TDRKH: variants seen among roughly 807,000 people sequenced by gnomAD.
TDRKH encodes the protein tudor and KH domain-containing protein.
In TDRKH, 28 loss-of-function variants were observed where a neutral mutation model predicts 61.3. That is an observed-to-expected ratio of 0.46 (90% CI 0.34 to 0.63). TDRKH has a LOEUF of 0.63. Ranked by LOEUF, TDRKH falls within the 20% of genes least tolerant of loss-of-function variation. The pLI, the probability that TDRKH is intolerant of heterozygous loss-of-function variation, is 0.01. For synonymous variants in TDRKH, 219 were observed against 244.4 expected (o/e 0.90, Z 0.97); for missense variants, 540 against 683.4 (o/e 0.79, Z 2.34).
At position 151,774,064 on chromosome 1, in the gene TDRKH, GA is replaced by G. The variant is rs1253154700; in HGVS notation, c.*387del. On this transcript the variant is annotated 3_prime_UTR_variant, in exon 13 of 13. Coordinates refer to ENST00000368824, the MANE Select transcript of TDRKH (RefSeq NM_001083965.2). Reference sequence around the variant, plus strand: ...GGAGGGATCCGGAGGTGGAATGGGGGAGACACACTTGTAGCGTGGTAGTCCA... The same window carrying G: ...GGAGGGATCCGGAGGTGGAATGGGGGGACACACTTGTAGCGTGGTAGTCCA... 5.1e-5 allele frequency: 10 copies of G among 194,446 alleles called. No individual in the cohort carries two copies. Among genetic ancestry groups the G allele is most frequent in the Non-Finnish European group, 6.3e-5 (6 of 95,280 alleles). 12.0% of individuals were successfully genotyped at this position (194,446 alleles called of 1,614,324 possible).
At chr1:151,777,672 C>G (rs1210798292) in intron 6 of TDRKH, among the ~76,000 whole-genome samples, 2 of 151,052 alleles carry the variant, frequency 1.3e-5, no homozygotes, top group African/African-American at 4.9e-5. Flanking sequence ...TTATTGCTTC[C>G]TATTTTGGGT....
At chr1:151,781,820 C>A in intron 2 of TDRKH, 1 of 505,034 alleles carries the variant, frequency 2.0e-6, no homozygotes, top group Non-Finnish European at 3.6e-6. Context: ...ATGGGAAAAG[C>A]AGATTCTGCA....
chr1:151,768,290 T>C, downstream of TDRKH: 1 of 1,554,794 alleles, frequency 6.4e-7, no homozygotes, highest in South Asian at 1.2e-5. Flanking sequence ...TTCACCCTTC[T>C]ATCATGTCAT....
At chr1:151,776,669 G>T in intron 6 of TDRKH, 70 bp from the exon 7 acceptor site, 1 of 1,551,594 alleles carries the variant, frequency 6.4e-7, no homozygotes, top group Non-Finnish European at 8.8e-7. Flanking sequence ...ACTAACCAGG[G>T]TAGTGAGAGG....
At chr1:151,782,608 C>A (rs754016771) in intron 2 of TDRKH, among the ~76,000 whole-genome samples, 1 of 151,974 alleles carries the variant, frequency 6.6e-6, no homozygotes, top group African/African-American at 2.4e-5. Flanking sequence ...CCAGCCTGGG[C>A]AACATGGGAA....
chr1:151,767,598 G>A (rs1443152650), downstream of TDRKH: 1 of 365,024 alleles, frequency 2.7e-6, no homozygotes, highest in African/African-American at 2.1e-5. Context: ...GCTTAAAGAT[G>A]CTAAGCAGGA....
At chr1:151,780,646 C>T (rs995586349) in intron 3 of TDRKH, among the ~76,000 whole-genome samples, 1 of 152,024 alleles carries the variant, frequency 6.6e-6, no homozygotes, top group Admixed American at 6.6e-5. Context: ...GTCAGGAGAT[C>T]GAGACCATCC....
At position 151,778,746 on chromosome 1, in the gene TDRKH, A is replaced by G; in HGVS notation, c.822T>C (p.Pro274=). ...VVSKEGSWEK[P]SDDSFQKSEA... ...CAGACTTCTGAAAGCTGTCATCACTAGGTTTCTCCCAGGAACCTTCCTTTG... is the reference window on the plus strand; with the variant it reads ...CAGACTTCTGAAAGCTGTCATCACTGGGTTTCTCCCAGGAACCTTCCTTTG... Residue 274 remains proline (P), a synonymous_variant, in exon 6 of 13, where the codon CCT becomes CCC. Transcript: ENST00000368824. 6.2e-7 allele frequency: 1 copy of G among 1,614,218 alleles called. No individual in the cohort carries two copies. The highest frequency in any genetic ancestry group is 8.5e-7 in the Non-Finnish European group (1 of 1,180,048).
downstream of TDRKH, among the ~76,000 whole-genome samples, chr1:151,769,937 C>T (rs985904051): frequency 3.7e-5 from 5 of 134,626 alleles, no homozygotes; most frequent in Non-Finnish European, 6.6e-5. Context: ...TCAGGCATGG[C>T]GGCACGCGCC....
At chr1:151,766,506 C>T (rs1335298317), downstream of TDRKH, 9 of 556,216 alleles carry the variant, frequency 1.6e-5, no homozygotes, top group East Asian at 2.1e-4. Flanking sequence ...ATTTTTTAAT[C>T]ATTCATACAG....
chr1:151,770,066 G>C (rs1648599148), downstream of TDRKH: 1 of 1,573,810 alleles, frequency 6.4e-7, no homozygotes, highest in African/African-American at 1.4e-5. Context: ...GCATCAGAGG[G>C]AGACCGTGGA....
At chr1:151,780,887 T>C (rs1322364014) in intron 3 of TDRKH, among the ~76,000 whole-genome samples, 1 of 150,758 alleles carries the variant, frequency 6.6e-6, no homozygotes, top group African/African-American at 2.4e-5. Context: ...AGTTATACCA[T>C]GCTGACAATC....
chr1:151,773,489 G>A (rs1371110844), downstream of TDRKH: 1 of 152,554 alleles, frequency 6.6e-6, no homozygotes, highest in African/African-American at 2.4e-5. Flanking sequence ...TTTGGTTTTA[G>A]AAAATTTTCT....
Position 151,775,537 on chromosome 1 carries a change from T to C in TDRKH, c.1289A>G (p.Gln430Arg), listed in dbSNP as rs761118820. ...CTCATCCAAAGCTTCCTCTTCCCAC[T>C]GGTCACCTGGCAAAAGATTGTAGGG... ...SLARIAPSGDQWEEEALDEFD... is the reference protein window; with the variant it reads ...SLARIAPSGDRWEEEALDEFD... Residue 430 changes from glutamine (Q) to arginine (R), a missense_variant, in exon 10 of 13, where the codon CAG becomes CGG. By Grantham distance (43) the Gln-to-Arg change is conservative. Coordinates refer to ENST00000368824, the MANE Select transcript of TDRKH (RefSeq NM_001083965.2). The C allele has an allele frequency of 1.2e-6, 2 of 1,612,640 alleles. No homozygotes were observed. The highest frequency in any genetic ancestry group is 1.7e-5 in the Admixed American group (1 of 59,738).
In TDRKH at chr1:151,776,608, A is replaced by T. The variant is rs1373831570; in HGVS notation, c.884-9T>A. 1.2e-6 allele frequency: 2 copies of T among 1,613,880 alleles called. No individual in the cohort carries two copies. Among genetic ancestry groups the T allele is most frequent in the Admixed American group, 3.3e-5 (2 of 60,008 alleles). On this transcript the variant is annotated splice_polypyrimidine_tract_variant and intron_variant, in intron 6 of 12. Transcript: ENST00000368824. ...GAAGTCAGGACTGGGGACTGAACAC[A>T]GAGATAAGGATGGTGGCCACATCAG...
intron 6 of TDRKH, 128 bp from the exon 7 acceptor site, chr1:151,776,727 C>G (rs992090536): frequency 9.8e-7 from 1 of 1,020,940 alleles, no homozygotes; most frequent in East Asian, 2.6e-5. Flanking sequence ...GGAGAGGCAA[C>G]TGGATGAATC....
At chr1:151,771,645 T>C (rs1648708531), downstream of TDRKH, 1 of 359,884 alleles carries the variant, frequency 2.8e-6, no homozygotes, top group Non-Finnish European at 4.9e-6. Context: ...ATAGATCTCT[T>C]GGCTTTGGCC....
chr1:151,774,580 A>C (rs983467458), intron 12 of TDRKH, 76 bp from the exon 13 acceptor site: 5 of 1,589,608 alleles, frequency 3.1e-6, no homozygotes, highest in Admixed American at 3.4e-5. Flanking sequence ...GGCTCAAAAG[A>C]AAAATGGACC....
At chr1:151,781,973 C>A (rs1439339381) in intron 2 of TDRKH, 2 of 459,472 alleles carry the variant, frequency 4.4e-6, no homozygotes, top group African/African-American at 4.0e-5. Context: ...TTCTCTAGGT[C>A]CTATTCTCTA....
Sources: gnomAD v4.1 joint callset for allele counts (sites outside exome capture counted in the v4.1 genomes callset) on GRCh38, gnomAD v4.1.1 for gene constraint, MANE v1.5 for transcripts, NCBI Gene and HGNC (gene_info 2026-07-23, HGNC 2026-07-21) for gene names.